SRGAP2B: variants seen among roughly 807,000 people sequenced by gnomAD.
SRGAP2B encodes the protein SLIT-ROBO Rho GTPase activating protein 2B.
SRGAP2B carries 9 observed loss-of-function variants against 22.2 expected under a neutral mutation model. That is an observed-to-expected ratio of 0.41 (90% CI 0.24 to 0.71). The LOEUF (loss-of-function observed/expected upper bound fraction) is 0.71. Ranked by LOEUF, SRGAP2B falls within the 30% of genes least tolerant of loss-of-function variation. The pLI is 0.35. For synonymous variants in SRGAP2B, 36 were observed against 87.4 expected (o/e 0.41, Z 3.28); for missense variants, 114 against 235.8 (o/e 0.48, Z 3.38).
At chr1:145,002,674 T>G (rs1553620174) in intron 2 of SRGAP2B, among the ~76,000 whole-genome samples, 1 of 150,756 alleles carries the variant, frequency 6.6e-6, no homozygotes. Context: ...TTCTGAAGTA[T>G]GAAGTTCCCT....
chr1:144,944,586 CAAAAA>C lies in SRGAP2B; in HGVS notation c.423+10848_423+10852del, dbSNP rs3061760. Among the ~76,000 whole-genome samples, 135 of 17,862 alleles carry C rather than the reference CAAAAA, an allele frequency of 7.6e-3. 2 individuals carry two copies. In the South Asian group the frequency reaches 0.13, roughly 17 times the overall value. The allele number at this position is 17,862 out of a possible 152,430, so 11.7% of individuals were successfully genotyped here. On this transcript the variant is annotated intron_variant, in intron 4 of 9. Transcript: ENST00000612199. ...TGGGTGACAAAGTGAGTCTCCATCT[CAAAAA>C]AAAAAAAAAAAAAAAAAAAAAATCT...
chr1:144,953,239 G>T (rs1553609715), intron 4 of SRGAP2B, among the ~76,000 whole-genome samples: 2 of 149,806 alleles, frequency 1.3e-5, no homozygotes, highest in Non-Finnish European at 3.0e-5. Flanking sequence ...CTTATATAAA[G>T]TATGAAACCA....
At chr1:144,984,365 C>CAACAACAAAA (rs1491147391) in intron 3 of SRGAP2B, among the ~76,000 whole-genome samples, 1 of 126,424 alleles carries the variant, frequency 7.9e-6, no homozygotes, top group Non-Finnish European at 1.6e-5. Flanking sequence ...ACAACAACAA[C>CAACAACAAAA]AAAAAAAAAA....
intron 3 of SRGAP2B, among the ~76,000 whole-genome samples, chr1:144,966,445 C>T (rs1307634182): frequency 2.0e-5 from 3 of 147,126 alleles, no homozygotes; most frequent in South Asian, 2.1e-4. Context: ...AAATGCTGAC[C>T]GATTTTGTCA....
chr1:145,093,719 C>T (rs1343706303), intron 1 of SRGAP2B, among the ~76,000 whole-genome samples: 1 of 149,034 alleles, frequency 6.7e-6, no homozygotes, highest in African/African-American at 2.6e-5. Flanking sequence ...AATGCGGCAC[C>T]TCGGCGGCCT....
chr1:145,041,093 AT>A (rs1649198354), intron 2 of SRGAP2B, among the ~76,000 whole-genome samples: 1 of 122,326 alleles, frequency 8.2e-6, no homozygotes, highest in African/African-American at 3.2e-5. Flanking sequence ...ATATATATAT[AT>A]ATATATATAT....
intron 2 of SRGAP2B, among the ~76,000 whole-genome samples, chr1:145,061,638 A>G (rs1650923492): frequency 6.7e-6 from 1 of 149,622 alleles, no homozygotes; most frequent in Non-Finnish European, 1.5e-5. Flanking sequence ...CCCAGACTGG[A>G]GTGTAGTGGT....
At chr1:144,971,854 T>A (rs1668549703) in intron 3 of SRGAP2B, among the ~76,000 whole-genome samples, 1 of 150,662 alleles carries the variant, frequency 6.6e-6, no homozygotes, top group Admixed American at 6.6e-5. Context: ...ACACAGACAG[T>A]GGTGGAGCAG....
At chr1:145,009,093 C>G in intron 2 of SRGAP2B, among the ~76,000 whole-genome samples, 1 of 142,612 alleles carries the variant, frequency 7.0e-6, no homozygotes, top group East Asian at 2.1e-4. Flanking sequence ...AGGAGAATGG[C>G]GTGAACCTGG....
chr1:145,002,336 G>A (rs1275305224), intron 2 of SRGAP2B, among the ~76,000 whole-genome samples: 1 of 54,714 alleles, frequency 1.8e-5, no homozygotes, highest in Non-Finnish European at 3.4e-5. Flanking sequence ...GGAAACATGA[G>A]TATCTGAATG....
chr1:145,076,124 C>G (rs587727742), intron 2 of SRGAP2B, among the ~76,000 whole-genome samples: 5,028 of 149,986 alleles, frequency 0.034, 489 homozygotes, highest in African/African-American at 0.11. Flanking sequence ...CATGTATCTT[C>G]CCTAGTAAGA....
At chr1:145,044,215 T>A (rs1192656642) in intron 2 of SRGAP2B, among the ~76,000 whole-genome samples, 1 of 136,650 alleles carries the variant, frequency 7.3e-6, no homozygotes, top group African/African-American at 3.1e-5. Flanking sequence ...CCTTTTTTTT[T>A]TTTTTTTGCC....
intron 2 of SRGAP2B, among the ~76,000 whole-genome samples, chr1:145,044,641 A>ACCCC (rs1649537016): frequency 9.0e-6 from 1 of 111,526 alleles, no homozygotes; most frequent in Admixed American, 1.3e-4. Context: ...TTATATTTGA[A>ACCCC]CCCCCTCCTA....
rs1369288183 is a variant in SRGAP2B at position 144,992,384 on chromosome 1, G to A, written c.260+2624C>T. 9.3e-5 allele frequency among the ~76,000 whole-genome samples: 14 copies of A among 150,942 alleles called. 1 individual carries two copies. The highest frequency in any genetic ancestry group is 2.0e-4 in the Admixed American group (3 of 15,202). ...CTGAACCTTAATTTGTAACAAATAC[G>A]TCCATAAGCTGAGAATATGATACAG... On this transcript the variant is annotated intron_variant, in intron 3 of 9. Transcript: ENST00000612199.
chr1:144,928,924 A>G lies in SRGAP2B; in HGVS notation c.424-14170T>C, dbSNP rs587675374. The stretch of plus-strand genomic sequence containing the variant: ...GCACCATTTTACAATCTCACCAGCA[A>G]TGTATGAGGGTTCTGATTCCTCCAT... On this transcript the variant is annotated intron_variant, in intron 4 of 9. Coordinates refer to ENST00000612199, the Ensembl canonical transcript of SRGAP2B. Among the ~76,000 whole-genome samples, 3 of 149,990 alleles carry G rather than the reference A, an allele frequency of 2.0e-5. No homozygotes were observed. In the East Asian group the frequency reaches 5.9e-4, roughly 29 times the overall value.
At chr1:145,001,779 G>T (rs1306741049) in intron 2 of SRGAP2B, among the ~76,000 whole-genome samples, 2 of 150,768 alleles carry the variant, frequency 1.3e-5, no homozygotes, top group African/African-American at 5.0e-5. Context: ...CCGGGACTTT[G>T]GGAAGCCAAG....
intron 2 of SRGAP2B, among the ~76,000 whole-genome samples, chr1:145,047,175 CAAAAAAAAAAAA>C (rs4058382): frequency 1.8e-3 from 26 of 14,558 alleles, no homozygotes; most frequent in Non-Finnish European, 2.6e-3. Flanking sequence ...GACTCTGTCT[CAAAAAAAAAAAA>C]AAAAAAAAAA....
intron 4 of SRGAP2B, among the ~76,000 whole-genome samples, chr1:144,925,708 AAGAG>A (rs1167143332): frequency 0.023 from 2,312 of 100,918 alleles, 22 homozygotes; most frequent in Non-Finnish European, 0.032. Flanking sequence ...GAGAGAGAGA[AAGAG>A]AGAGAGAGAG....
intron 3 of SRGAP2B, among the ~76,000 whole-genome samples, chr1:144,992,275 G>A (rs4844758): frequency 6.6e-6 from 1 of 150,834 alleles, no homozygotes; most frequent in Non-Finnish European, 1.5e-5. Flanking sequence ...CACTCACCGC[G>A]AGGGTCCGCG....
Sources: allele counts gnomAD v4.1 joint callset (sites outside exome capture counted in the v4.1 genomes callset), GRCh38; gene constraint gnomAD v4.1.1; transcripts MANE v1.5; gene names NCBI Gene and HGNC (gene_info 2026-07-23, HGNC 2026-07-21).